MAST3: variants seen among roughly 807,000 people sequenced by gnomAD.
The protein encoded by MAST3 is microtubule-associated serine/threonine-protein kinase 3.
MAST3 carries 43 observed loss-of-function variants against 127.0 expected under a neutral mutation model. That is an observed-to-expected ratio of 0.34 (90% CI 0.27 to 0.44). The LOEUF (loss-of-function observed/expected upper bound fraction) is 0.44. Among genes scored for constraint, MAST3 ranks in the 20% least tolerant of loss-of-function variants. The pLI is 1.00. For missense variants in MAST3, 1,390 were observed against 1,919.1 expected (o/e 0.72, Z 5.15); for synonymous variants, 785 against 809.2 (o/e 0.97, Z 0.51).
intron 8 of MAST3, 79 bp from the exon 9 acceptor site, chr19:18,123,860 C>T (rs957044105): frequency 2.9e-6 from 4 of 1,362,018 alleles, no homozygotes; most frequent in Admixed American, 4.1e-5. Context: ...TCTCCCCAAC[C>T]ATGCCTCTCC....
intron 13 of MAST3, 135 bp from the exon 14 acceptor site, chr19:18,130,359 G>A: frequency 2.7e-6 from 2 of 744,950 alleles, no homozygotes; most frequent in Non-Finnish European, 4.4e-6. Context: ...GAACAGGTAA[G>A]GAGAATGGGT....
At chr19:18,108,159 G>T (rs554342559) in intron 2 of MAST3, among the ~76,000 whole-genome samples, 1 of 152,156 alleles carries the variant, frequency 6.6e-6, no homozygotes, top group East Asian at 1.9e-4. Flanking sequence ...CAGGCGTGGT[G>T]GTGCTCGCTT....
At position 18,144,880 on chromosome 19, in the gene MAST3, G is replaced by GT. The variant is rs2042874061; in HGVS notation, c.2813-122dup. On this transcript the variant is annotated intron_variant, in intron 23 of 27. Transcript: ENST00000687212. The surrounding 1 kb of genome is among the most constrained non-coding windows in gnomAD (Gnocchi z 4.0). ...ACTGCACGTGCAAAGGCCTGGTGGG[G>GT]TGACCATGCTTGGGACATTGAAGCA... The GT allele has an allele frequency of 1.2e-6, 1 of 854,490 alleles. No homozygotes were observed. 52.9% of individuals were successfully genotyped at this position (854,490 alleles called of 1,614,324 possible). A position where few individuals can be genotyped will look rare whatever the true frequency, so the allele number is the denominator to read the frequency against.
Position 18,145,125 on chromosome 19 carries a change from C to T in MAST3, c.2935C>T (p.Pro979Ser), listed in dbSNP as rs1439845052. Residue 979 changes from proline (P) to serine (S), a missense_variant, in exon 24 of 28, where the codon CCC becomes TCC. Coordinates refer to ENST00000687212, the MANE Select transcript of MAST3 (RefSeq NM_001393504.1). This position sits in a 1 kb window ranked among gnomAD's most constrained non-coding sequence, Gnocchi z 5.9. ...CCCCGTGTGTGGCAGCCTGCGGCCC[C>T]CCATCGTTATCCACAGCTCTGGCAA... ...PSPVCGSLRP[P>S]IVIHSSGKKY... 1 of 1,613,928 alleles carries T rather than the reference C, an allele frequency of 6.2e-7. No homozygotes were observed. Among genetic ancestry groups the T allele is most frequent in the South Asian group, 1.1e-5 (1 of 91,078 alleles).
At chr19:18,134,227 T>C (rs544216055) in intron 15 of MAST3, among the ~76,000 whole-genome samples, 54 of 151,842 alleles carry the variant, frequency 3.6e-4, no homozygotes, top group Non-Finnish European at 6.5e-4. Flanking sequence ...TAAAAAAATA[T>C]ATATATATAT....
chr19:18,124,561 G>T, intron 10 of MAST3, 81 bp from the exon 11 acceptor site: 7 of 1,489,894 alleles, frequency 4.7e-6, no homozygotes, highest in Non-Finnish European at 6.3e-6. Context: ...TGGGAAGGGT[G>T]CTCCAGGCAG....
intron 15 of MAST3, among the ~76,000 whole-genome samples, chr19:18,132,427 GAC>G (rs1178260451): frequency 2.6e-5 from 4 of 152,152 alleles, no homozygotes; most frequent in Non-Finnish European, 5.9e-5. Context: ...GCACTTATAA[GAC>G]ACCAACTACA....
Position 18,118,039 on chromosome 19 carries a change from C to A in MAST3, c.162-3646C>A, listed in dbSNP as rs922032986. ...GGGGCGCGCGCTTCCTTCTCGCCGC[C>A]CCCCCATCCCCGCAGCCCCGTGCGC... On this transcript the variant is annotated intron_variant, in intron 3 of 27. Coordinates refer to ENST00000687212, the MANE Select transcript of MAST3 (RefSeq NM_001393504.1). 38 of 887,078 alleles carry A rather than the reference C, an allele frequency of 4.3e-5. No individual in the cohort carries two copies. In the African/African-American group the frequency reaches 4.5e-4, roughly 11 times the overall value. 55.0% of individuals were successfully genotyped at this position (887,078 alleles called of 1,614,324 possible). A position where few individuals can be genotyped will look rare whatever the true frequency, so the allele number is the denominator to read the frequency against.
chr19:18,099,679 C>T (rs1453051081), intron 1 of MAST3, among the ~76,000 whole-genome samples: 1 of 152,204 alleles, frequency 6.6e-6, no homozygotes, highest in Non-Finnish European at 1.5e-5. Context: ...GGCGTCCCTC[C>T]ACGAAGGTGG....
At chr19:18,134,361 C>T (rs977469509) in intron 15 of MAST3, among the ~76,000 whole-genome samples, 2 of 152,186 alleles carry the variant, frequency 1.3e-5, no homozygotes, top group Non-Finnish European at 2.9e-5. Flanking sequence ...GCCTGGGCAA[C>T]ATAGCAAGAC....
At chr19:18,143,634 G>T in intron 21 of MAST3, 129 bp from the exon 22 acceptor site, 1 of 1,167,976 alleles carries the variant, frequency 8.6e-7, no homozygotes. Flanking sequence ...GCAGACAGAA[G>T]GAACTCGTCC....
chr19:18,111,476 C>T (rs2038611032), intron 3 of MAST3, among the ~76,000 whole-genome samples: 1 of 150,974 alleles, frequency 6.6e-6, no homozygotes, highest in Non-Finnish European at 1.5e-5. Flanking sequence ...AGTTATGTGG[C>T]CCATCAACCA....
At chr19:18,133,119 C>T (rs919110449) in intron 15 of MAST3, among the ~76,000 whole-genome samples, 1 of 150,904 alleles carries the variant, frequency 6.6e-6, no homozygotes, top group East Asian at 1.9e-4. Flanking sequence ...AAAAGCGCCT[C>T]GCATGTTTTC....
At position 18,145,782 on chromosome 19, in the gene MAST3, C is replaced by T. The variant is rs868101301; in HGVS notation, c.3079C>T (p.Arg1027Trp). The T allele has an allele frequency of 3.8e-6, 6 of 1,590,750 alleles. No individual in the cohort carries two copies. Among genetic ancestry groups the T allele is most frequent in the East Asian group, 2.3e-5 (1 of 43,112 alleles). ...AAGCCCCGCCCAGGAGGCGGGCCTG[C>T]GGGCTGGGGACCTCATCACCCACAT... ...DGSPAQEAGL[R>W]AGDLITHING... The change falls in exon 25 of 28, where the codon CGG becomes TGG. Residue 1027 changes from arginine to tryptophan, a missense_variant. Physicochemically the swap from Arg to Trp is moderately radical, Grantham distance 101. Around this residue, in one of 5 missense-constraint regions of MAST3, gnomAD observed 816 missense variants for 934.1 expected, o/e 0.87. Transcript: ENST00000687212. This position sits in a 1 kb window ranked among gnomAD's most constrained non-coding sequence, Gnocchi z 5.9.
Position 18,131,966 on chromosome 19 carries a change from G to T in MAST3, c.1490G>T (p.Arg497Leu). 6.2e-7 allele frequency: 1 copy of T among 1,613,770 alleles called. No individual in the cohort carries two copies. Among genetic ancestry groups the T allele is most frequent in the East Asian group, 2.2e-5 (1 of 44,868 alleles). ...NMGPLPVDMA[R>L]LYFAETVLAL... is the part of the protein sequence containing the mutation. ...GGCCCGCTGCCCGTGGACATGGCCC[G>T]CCTGTACTTCGCCGAGACGGTGTTG... Residue 497 changes from arginine to leucine, a missense_variant, in exon 15 of 28, where the codon CGC (arginine) becomes CTC (leucine). Around this residue, in one of 5 missense-constraint regions of MAST3, gnomAD observed 191 missense variants for 409.0 expected, o/e 0.47. Coordinates refer to ENST00000687212, the MANE Select transcript of MAST3 (RefSeq NM_001393504.1).
In MAST3 at chr19:18,143,747, C is replaced by T. The variant is rs752229664; in HGVS notation, c.2340-16C>T. On this transcript the variant is annotated splice_polypyrimidine_tract_variant and intron_variant, in intron 21 of 27. Transcript: ENST00000687212. The stretch of plus-strand genomic sequence containing the variant: ...AGGTGCCTGGCAGGGGTGATGCAGG[C>T]TCTTCCTCCCTGCAGGCTGAGGTCC... The T allele has an allele frequency of 1.8e-5, 29 of 1,612,494 alleles. No individual in the cohort carries two copies. The highest frequency in any genetic ancestry group is 2.5e-5 in the Non-Finnish European group (29 of 1,179,568).
At chr19:18,136,510 G>C (rs955245937) in intron 18 of MAST3, among the ~76,000 whole-genome samples, 4 of 152,202 alleles carry the variant, frequency 2.6e-5, no homozygotes, top group Non-Finnish European at 5.9e-5. Context: ...CCGCCTCCCA[G>C]GCTCAAGCGA....
chr19:18,142,901 A>C (rs2042656873), intron 21 of MAST3, among the ~76,000 whole-genome samples: 1 of 151,680 alleles, frequency 6.6e-6, no homozygotes, highest in Non-Finnish European at 1.5e-5. Context: ...ACCTGAGGTC[A>C]GGAGTTCAAG....
At chr19:18,106,354 C>T (rs908589454) in intron 1 of MAST3, among the ~76,000 whole-genome samples, 1 of 151,872 alleles carries the variant, frequency 6.6e-6, no homozygotes, top group Non-Finnish European at 1.5e-5. Flanking sequence ...CAGGTTCAAG[C>T]GATCCTCCCG....
Sources: gnomAD v4.1 joint callset for allele counts (sites outside exome capture counted in the v4.1 genomes callset) on GRCh38, gnomAD v4.1.1 for gene constraint, gnomAD v4.1.1 regional missense constraint, Gnocchi (gnomAD v3.1) non-coding constraint, MANE v1.5 for transcripts, NCBI Gene and HGNC (gene_info 2026-07-23, HGNC 2026-07-21) for gene names.